Variants in FCHSD2 observed in about 807,000 individuals in gnomAD.
FCHSD2 encodes the protein F-BAR and double SH3 domains protein 2.
In FCHSD2, 38 loss-of-function variants were observed where a neutral mutation model predicts 108.1. That is an observed-to-expected ratio of 0.35 (90% confidence interval 0.27 to 0.46). The LOEUF (loss-of-function observed/expected upper bound fraction) is 0.46. Ranked by LOEUF, FCHSD2 falls within the 20% of genes least tolerant of loss-of-function variation. The pLI is 1.00. For missense variants in FCHSD2, 751 were observed against 897.8 expected (o/e 0.84, Z 2.09); for synonymous variants, 279 against 314.7 (o/e 0.89, Z 1.20).
At chr11:73,021,052 A>T (rs1489185600) in intron 3 of FCHSD2, among the ~76,000 whole-genome samples, 1 of 151,868 alleles carries the variant, frequency 6.6e-6, no homozygotes, top group Admixed American at 6.6e-5. Flanking sequence ...AAGTTTTAAA[A>T]TTTTTTGTAG....
chr11:72,902,666 T>A (rs1369293608), intron 9 of FCHSD2, 28 bp from the exon 10 acceptor site: 2 of 1,394,086 alleles, frequency 1.4e-6, no homozygotes, highest in Non-Finnish European at 2.0e-6. Context: ...TATCTTTAGG[T>A]CTTTAATGAG....
chr11:73,023,969 C>T lies in FCHSD2; in HGVS notation c.166-8084G>A, dbSNP rs1044770124. Among the ~76,000 whole-genome samples the T allele has an allele frequency of 5.3e-5, 8 of 152,058 alleles. 1 individual carries two copies. In the South Asian group the frequency reaches 1.7e-3, roughly 32 times the overall value. On this transcript the variant is annotated intron_variant, in intron 3 of 19. Coordinates refer to ENST00000409418, the MANE Select transcript of FCHSD2 (RefSeq NM_014824.3). ...GGGAAAGACCAATTGATAGAGAAAA[C>T]AGATCAGTGATTTTGAGGGGTTTGG...
chr11:72,920,459 G>A (rs1469625445), intron 9 of FCHSD2, among the ~76,000 whole-genome samples: 1 of 152,212 alleles, frequency 6.6e-6, no homozygotes, highest in East Asian at 1.9e-4. Context: ...ATTTGATCAC[G>A]GCTGGGCATG....
rs551600353 is a variant in FCHSD2 at position 72,995,387 on chromosome 11, G to T, written c.387+5603C>A. Among the ~76,000 whole-genome samples the T allele has an allele frequency of 3.3e-5, 5 of 152,110 alleles. No homozygotes were observed. In the South Asian group the frequency reaches 1.0e-3, roughly 32 times the overall value. ...GTGAAGAGCTAAAAGCAGGCTCCAT[G>T]GCTACAATTTTGATATTAAGAACCA... is the stretch of plus-strand genomic sequence containing the variant. On this transcript the variant is annotated intron_variant, in intron 5 of 19. Transcript: ENST00000409418.
intron 8 of FCHSD2, among the ~76,000 whole-genome samples, chr11:72,968,659 T>G (rs937467083): frequency 6.6e-6 from 1 of 152,186 alleles, no homozygotes; most frequent in African/African-American, 2.4e-5. Context: ...AGTGCTGGCA[T>G]GGAATTTCAG....
At chr11:72,842,981 A>T in intron 16 of FCHSD2, 140 bp from the exon 17 acceptor site, 1 of 868,506 alleles carries the variant, frequency 1.2e-6, no homozygotes, top group Non-Finnish European at 1.8e-6. Flanking sequence ...TCACTGATGA[A>T]TGATTAACTT....
chr11:73,053,781 T>A (rs1019232982), intron 3 of FCHSD2, among the ~76,000 whole-genome samples: 1 of 152,224 alleles, frequency 6.6e-6, no homozygotes, highest in Non-Finnish European at 1.5e-5. Flanking sequence ...GTTATGACTA[T>A]AGCAGCGATT....
At chr11:73,001,296 T>C (rs527764167) in intron 4 of FCHSD2, among the ~76,000 whole-genome samples, 162 bp from the exon 5 acceptor site, 5 of 152,324 alleles carry the variant, frequency 3.3e-5, no homozygotes, top group Middle Eastern at 3.4e-3. Context: ...ACAAGCAACA[T>C]GGCATATACT....
intron 10 of FCHSD2, among the ~76,000 whole-genome samples, chr11:72,890,898 T>C (rs1297409701): frequency 6.6e-6 from 1 of 152,178 alleles, no homozygotes; most frequent in East Asian, 1.9e-4. Context: ...ATTAGGAATT[T>C]TTTTTAAAAT....
intron 5 of FCHSD2, among the ~76,000 whole-genome samples, chr11:72,992,082 T>C (rs1013005207): frequency 2.6e-5 from 4 of 152,154 alleles, no homozygotes; most frequent in South Asian, 2.1e-4. Context: ...ACAAAATCAA[T>C]GTGCAAAAAA....
At chr11:72,862,487 A>G (rs1374700227) in intron 13 of FCHSD2, among the ~76,000 whole-genome samples, 1 of 152,238 alleles carries the variant, frequency 6.6e-6, no homozygotes, top group East Asian at 1.9e-4. Context: ...ATCATTTACA[A>G]TAGCACCAAA....
chr11:72,841,364 A>G (rs1223708737), intron 18 of FCHSD2, 90 bp downstream of exon 18: 3 of 1,000,854 alleles, frequency 3.0e-6, no homozygotes. Flanking sequence ...AAAAAAAAAA[A>G]GCAAATGCAG....
chr11:72,867,768 C>A, intron 13 of FCHSD2, 97 bp downstream of exon 13: 1 of 1,041,028 alleles, frequency 9.6e-7, no homozygotes, highest in East Asian at 2.6e-5. Context: ...AAACTATTAT[C>A]TTTTTAAAAA....
At chr11:72,906,501 A>G (rs879945341) in intron 9 of FCHSD2, among the ~76,000 whole-genome samples, 26 of 152,182 alleles carry the variant, frequency 1.7e-4, no homozygotes, top group Non-Finnish European at 3.2e-4. Flanking sequence ...GTCTTTGCCC[A>G]TGCCTATGTC....
At chr11:72,918,933 T>TAAA (rs2135307183) in intron 9 of FCHSD2, among the ~76,000 whole-genome samples, 1 of 152,228 alleles carries the variant, frequency 6.6e-6, no homozygotes, top group Admixed American at 6.5e-5. Context: ...AAGCATTTCA[T>TAAA]AAAATATTAA....
At chr11:73,102,342 T>C (rs917666446) in intron 2 of FCHSD2, among the ~76,000 whole-genome samples, 1 of 152,146 alleles carries the variant, frequency 6.6e-6, no homozygotes, top group Non-Finnish European at 1.5e-5. Context: ...TTAACACACA[T>C]TTGTCAAAGA....
intron 9 of FCHSD2, among the ~76,000 whole-genome samples, chr11:72,912,941 T>C (rs1400338533): frequency 6.6e-6 from 1 of 152,150 alleles, no homozygotes; most frequent in Non-Finnish European, 1.5e-5. Context: ...TGACCCATGG[T>C]TCTGCAGGCT....
At chr11:73,090,820 A>G (rs977342272) in intron 2 of FCHSD2, among the ~76,000 whole-genome samples, 1 of 152,344 alleles carries the variant, frequency 6.6e-6, no homozygotes, top group Non-Finnish European at 1.5e-5. Flanking sequence ...CAATTCAGTG[A>G]CATTTAGTGC....
At chr11:72,851,697 TG>T (rs1861293345) in intron 13 of FCHSD2, among the ~76,000 whole-genome samples, 1 of 152,010 alleles carries the variant, frequency 6.6e-6, no homozygotes, top group African/African-American at 2.4e-5. Context: ...GAGCCGAGAT[TG>T]TGCCACTGCA....
Sources: gnomAD v4.1 joint callset for allele counts (sites outside exome capture counted in the v4.1 genomes callset) on GRCh38, gnomAD v4.1.1 for gene constraint, MANE v1.5 for transcripts, NCBI Gene and HGNC (gene_info 2026-07-23, HGNC 2026-07-21) for gene names.